Variants in STARD13 observed in about 807,000 individuals in gnomAD.
The protein encoded by STARD13 is stAR-related lipid transfer protein 13.
Under a neutral mutation model 106.4 loss-of-function variants are expected in STARD13, and 62 were observed. The ratio of observed to expected loss-of-function variants is 0.58; its 90% CI spans 0.48 to 0.72. The LOEUF (loss-of-function observed/expected upper bound fraction) is 0.72, where lower values mean the gene tolerates loss of function less well. Among genes scored for constraint, STARD13 ranks in the 30% least tolerant of loss-of-function variants. The pLI is 0.00. For missense variants in STARD13, 1,387 were observed against 1,424.0 expected (o/e 0.97, Z 0.42); for synonymous variants, 565 against 553.0 (o/e 1.02, Z -0.31).
chr13:33,518,203 A>G, the STARD13 span, among the ~76,000 whole-genome samples: 3 of 152,110 alleles, frequency 2.0e-5, no homozygotes, highest in Non-Finnish European at 4.4e-5. Flanking sequence ...GTTTGCTTTC[A>G]TTTTACTGTT....
At chr13:33,160,369 G>C (rs974616104) in intron 3 of STARD13, among the ~76,000 whole-genome samples, 1 of 152,100 alleles carries the variant, frequency 6.6e-6, no homozygotes, top group African/African-American at 2.4e-5. Context: ...AGGGTAAATA[G>C]TTGTGACCCT....
the STARD13 span, among the ~76,000 whole-genome samples, chr13:33,481,557 C>A: frequency 2.0e-5 from 3 of 151,880 alleles, no homozygotes; most frequent in South Asian, 6.2e-4. Context: ...AAAACACAAT[C>A]TAATTTCTTC....
chr13:33,560,876 T>A, the STARD13 span, among the ~76,000 whole-genome samples: 7 of 151,706 alleles, frequency 4.6e-5, no homozygotes, highest in East Asian at 1.3e-3. Context: ...TTGTGTTTGG[T>A]TTGAGTTATT....
chr13:33,473,947 A>G, the STARD13 span, among the ~76,000 whole-genome samples: 1 of 152,126 alleles, frequency 6.6e-6, no homozygotes, highest in African/African-American at 2.4e-5. Context: ...AAGCACCCCA[A>G]TTGTTTGAGT....
chr13:33,488,766 A>C, the STARD13 span, among the ~76,000 whole-genome samples: 1 of 152,230 alleles, frequency 6.6e-6, no homozygotes, highest in Non-Finnish European at 1.5e-5. Flanking sequence ...TCAAGTTCAA[A>C]TACCAACTTC....
the STARD13 span, among the ~76,000 whole-genome samples, chr13:33,456,410 G>A: frequency 2.8e-3 from 426 of 152,124 alleles, 1 homozygote; most frequent in South Asian, 0.016. Context: ...GGCTGGTCTC[G>A]AACTCCTGGC....
At chr13:33,339,213 G>C (rs1314703257) in intron 1 of STARD13, among the ~76,000 whole-genome samples, 1 of 152,042 alleles carries the variant, frequency 6.6e-6, no homozygotes, top group African/African-American at 2.4e-5. Context: ...CTTGCCCAAG[G>C]GCCCACTGGT....
At chr13:33,352,772 G>T (rs149216513), upstream of STARD13, among the ~76,000 whole-genome samples, 2 of 152,152 alleles carry the variant, frequency 1.3e-5, no homozygotes, top group Non-Finnish European at 2.9e-5. Context: ...AGATGGAGCC[G>T]CCACAAATGC....
At chr13:33,497,336 T>C in the STARD13 span, among the ~76,000 whole-genome samples, 10 of 152,310 alleles carry the variant, frequency 6.6e-5, no homozygotes, top group East Asian at 1.9e-3. Context: ...ATTAGTCATC[T>C]AAAGGACTGT....
the STARD13 span, among the ~76,000 whole-genome samples, chr13:33,590,964 C>T: frequency 1.3e-5 from 2 of 152,102 alleles, no homozygotes; most frequent in Non-Finnish European, 2.9e-5. Context: ...TCTCCTCGTA[C>T]TTGTATAACA....
the STARD13 span, among the ~76,000 whole-genome samples, chr13:33,483,722 G>T: frequency 3.9e-4 from 59 of 152,026 alleles, no homozygotes; most frequent in African/African-American, 1.3e-3. Flanking sequence ...AGTTTCAATT[G>T]ATCAGAGAGA....
At chr13:33,331,495 G>A (rs886246082) in intron 1 of STARD13, among the ~76,000 whole-genome samples, 1 of 151,200 alleles carries the variant, frequency 6.6e-6, no homozygotes, top group African/African-American at 2.4e-5. Context: ...TGGGATTACA[G>A]GCATGCGCCA....
At chr13:33,182,267 T>A (rs1885312055) in intron 1 of STARD13, among the ~76,000 whole-genome samples, 1 of 152,240 alleles carries the variant, frequency 6.6e-6, no homozygotes. Context: ...AAACACTGAC[T>A]AGATAACACT....
At chr13:33,182,712 T>C (rs1257644407) in intron 1 of STARD13, among the ~76,000 whole-genome samples, 1 of 152,270 alleles carries the variant, frequency 6.6e-6, no homozygotes, top group Non-Finnish European at 1.5e-5. Flanking sequence ...TGGACGAGCT[T>C]GGTTTAGACT....
At chr13:33,645,421 A>C in the STARD13 span, among the ~76,000 whole-genome samples, 1 of 152,194 alleles carries the variant, frequency 6.6e-6, no homozygotes, top group Non-Finnish European at 1.5e-5. Context: ...GCTCAGCCCG[A>C]ATCACTTGCC....
At chr13:33,321,207 A>G (rs1287233749) in intron 1 of STARD13, among the ~76,000 whole-genome samples, 3 of 152,098 alleles carry the variant, frequency 2.0e-5, no homozygotes, top group Non-Finnish European at 4.4e-5. Flanking sequence ...CTATTAATGA[A>G]TAATAATAAT....
At chr13:33,554,369 G>T in the STARD13 span, among the ~76,000 whole-genome samples, 2 of 152,222 alleles carry the variant, frequency 1.3e-5, no homozygotes, top group Admixed American at 6.5e-5. Context: ...TAGCTGATTC[G>T]CATAGAGGGC....
chr13:33,540,984 G>A, the STARD13 span, among the ~76,000 whole-genome samples: 1 of 152,284 alleles, frequency 6.6e-6, no homozygotes, highest in East Asian at 1.9e-4. Flanking sequence ...CCAGGGAAGT[G>A]CTAAAAGTGA....
chr13:33,532,126 G>A, the STARD13 span, among the ~76,000 whole-genome samples: 20 of 152,206 alleles, frequency 1.3e-4, no homozygotes, highest in East Asian at 3.3e-3. Context: ...GTTACCTGAA[G>A]CTCATTTTCT....
Sources: allele counts gnomAD v4.1 joint callset (sites outside exome capture counted in the v4.1 genomes callset), GRCh38; gene constraint gnomAD v4.1.1; transcripts MANE v1.5; gene names NCBI Gene and HGNC (gene_info 2026-07-23, HGNC 2026-07-21).